NBAS: variants seen among roughly 807,000 people sequenced by gnomAD.
The protein encoded by NBAS is NAG/BC035112 fusion.
A neutral mutation model predicts 302.5 loss-of-function variants in NBAS; 219 were observed. The observed-to-expected ratio is 0.72, with a 90% confidence interval of 0.65 to 0.81. The LOEUF (loss-of-function observed/expected upper bound fraction) is 0.81. Ranked by LOEUF, NBAS falls within the 30% of genes least tolerant of loss-of-function variation. The pLI, the probability that NBAS is intolerant of heterozygous loss-of-function variation, is 0.00. For synonymous variants in NBAS, 1,118 were observed against 1,021.6 expected, an observed-to-expected ratio of 1.09 and a Z score of -1.80; for missense variants, 2,932 against 2,841.6, an observed-to-expected ratio of 1.03 and a Z score of -0.72.
the NBAS span, among the ~76,000 whole-genome samples, chr2:14,780,745 G>C: frequency 1.3e-5 from 2 of 152,158 alleles, no homozygotes; most frequent in Non-Finnish European, 2.9e-5. Context: ...TTTTGGGGCA[G>C]TACATAATTG....
In NBAS at chr2:15,496,954, A is replaced by G. The variant is rs1434477427; in HGVS notation, c.954+7191T>C. ...ATTTAAATTGAAGGACTATAAGAGG[A>G]GTCTGAGGATATGAAAAATAGAGCT... On this transcript the variant is annotated intron_variant, in intron 11 of 51. Coordinates refer to ENST00000281513, the MANE Select transcript of NBAS (RefSeq NM_015909.4). Among the ~76,000 whole-genome samples the G allele has an allele frequency of 3.3e-5, 5 of 152,206 alleles. No homozygotes were observed. In the East Asian group the frequency reaches 9.6e-4, roughly 29 times the overall value.
At chr2:15,554,170 T>C in intron 3 of NBAS, 32 bp from the exon 4 acceptor site, 1 of 1,571,550 alleles carries the variant, frequency 6.4e-7, no homozygotes, top group Non-Finnish European at 8.7e-7. Flanking sequence ...TAGCTTAAAA[T>C]CTAATCATGA....
the NBAS span, among the ~76,000 whole-genome samples, chr2:15,084,771 T>C: frequency 3.3e-5 from 5 of 152,166 alleles, no homozygotes; most frequent in African/African-American, 1.2e-4. Context: ...TCTGAGAAGT[T>C]GGTTCACTCA....
chr2:15,359,962 C>CTA (rs1673815768), intron 32 of NBAS, among the ~76,000 whole-genome samples: 1 of 152,086 alleles, frequency 6.6e-6, no homozygotes, highest in South Asian at 2.1e-4. Context: ...CATACCTAGG[C>CTA]TATATATATG....
the NBAS span, among the ~76,000 whole-genome samples, chr2:15,133,130 C>T: frequency 6.6e-6 from 1 of 152,188 alleles, no homozygotes; most frequent in African/African-American, 2.4e-5. Context: ...TTAAGGCCTA[C>T]TGTATGCACC....
chr2:15,348,757 T>C (rs1038360858), intron 35 of NBAS, among the ~76,000 whole-genome samples: 4 of 151,792 alleles, frequency 2.6e-5, no homozygotes, highest in Admixed American at 2.6e-4. Flanking sequence ...CTGATCATTA[T>C]GCAGTTGGTG....
chr2:15,203,846 ATGTCTGTGTGTGTGTGTCTG>A, intron 48 of NBAS, among the ~76,000 whole-genome samples: 2 of 145,206 alleles, frequency 1.4e-5, no homozygotes, highest in African/African-American at 5.2e-5. Context: ...TGAAGGTGGC[ATGTCTGTGTGTGTGTGTCTG>A]TGTCTGTGTG....
intron 19 of NBAS, among the ~76,000 whole-genome samples, chr2:15,466,320 C>A (rs1336294544): frequency 1.3e-5 from 2 of 152,072 alleles, no homozygotes; most frequent in Non-Finnish European, 2.9e-5. Context: ...AGAACACAGA[C>A]TAAGAAAGTA....
chr2:15,163,993 C>T (rs541350513), downstream of NBAS, among the ~76,000 whole-genome samples: 10 of 152,184 alleles, frequency 6.6e-5, no homozygotes, highest in Non-Finnish European at 1.5e-4. Flanking sequence ...GATGGGGTTT[C>T]GCCATGTTGG....
At chr2:15,346,328 C>T (rs961630650) in intron 35 of NBAS, among the ~76,000 whole-genome samples, 1 of 151,978 alleles carries the variant, frequency 6.6e-6, no homozygotes, top group Non-Finnish European at 1.5e-5. Context: ...ACAACCCCAT[C>T]AAAAAGTGGG....
the NBAS span, among the ~76,000 whole-genome samples, chr2:15,022,138 G>C: frequency 6.6e-6 from 1 of 152,038 alleles, no homozygotes; most frequent in Non-Finnish European, 1.5e-5. Flanking sequence ...GAAAAGGGGC[G>C]TCCTGGTCCT....
chr2:15,146,423 T>C, the NBAS span, among the ~76,000 whole-genome samples: 6 of 152,230 alleles, frequency 3.9e-5, no homozygotes, highest in Admixed American at 3.9e-4. Flanking sequence ...ACCTTTGTGA[T>C]GATGGACTGC....
At chr2:14,884,886 G>A in the NBAS span, among the ~76,000 whole-genome samples, 1 of 152,162 alleles carries the variant, frequency 6.6e-6, no homozygotes, top group African/African-American at 2.4e-5. Context: ...GAAAACCAAG[G>A]TAAAGAGAGT....
the NBAS span, among the ~76,000 whole-genome samples, chr2:14,978,519 C>A: frequency 6.6e-6 from 1 of 152,138 alleles, no homozygotes; most frequent in Non-Finnish European, 1.5e-5. Context: ...ACTGGAATTT[C>A]TTTCTGGGTA....
intron 32 of NBAS, 148 bp from the exon 33 acceptor site, chr2:15,356,564 C>A (rs1185612613): frequency 2.9e-6 from 2 of 678,772 alleles, no homozygotes; most frequent in South Asian, 1.6e-5. Context: ...GTTGCTTTGA[C>A]CTTTCAATCC....
chr2:15,084,160 C>T, the NBAS span, among the ~76,000 whole-genome samples: 10 of 152,070 alleles, frequency 6.6e-5, no homozygotes, highest in African/African-American at 1.4e-4. Context: ...GTAATCCTCC[C>T]GCCTCAGCCT....
At chr2:15,033,134 GC>G in the NBAS span, among the ~76,000 whole-genome samples, 1 of 152,238 alleles carries the variant, frequency 6.6e-6, no homozygotes, top group Non-Finnish European at 1.5e-5. Flanking sequence ...AATGGGCATA[GC>G]ATCAGACCAA....
At chr2:15,164,517 C>G (rs184050456), downstream of NBAS, among the ~76,000 whole-genome samples, 1 of 152,224 alleles carries the variant, frequency 6.6e-6, no homozygotes, top group East Asian at 1.9e-4. Flanking sequence ...CTTCGGCTGT[C>G]TGACTTCAGA....
At chr2:14,888,704 A>G in the NBAS span, among the ~76,000 whole-genome samples, 2 of 152,222 alleles carry the variant, frequency 1.3e-5, no homozygotes, top group African/African-American at 4.8e-5. Flanking sequence ...AGAGCCCATG[A>G]AAGTCATAAC....
Sources: gnomAD v4.1 joint callset for allele counts (sites outside exome capture counted in the v4.1 genomes callset) on GRCh38, gnomAD v4.1.1 for gene constraint, MANE v1.5 for transcripts, NCBI Gene and HGNC (gene_info 2026-07-23, HGNC 2026-07-21) for gene names.